The following KLHL32 variants were observed in gnomAD, a reference collection of about 807,000 sequenced individuals.
KLHL32 encodes the protein kelch like family member 32.
A neutral mutation model predicts 64.8 loss-of-function variants in KLHL32; 35 were observed. That is an observed-to-expected ratio of 0.54 (90% CI 0.41 to 0.72). The LOEUF is 0.72. Among genes scored for constraint, KLHL32 ranks in the 30% least tolerant of loss-of-function variants. The pLI, the probability that KLHL32 is intolerant of heterozygous loss-of-function variation, is 0.00. For missense variants in KLHL32, 589 were observed against 768.5 expected, an observed-to-expected ratio of 0.77 and a Z score of 2.76; for synonymous variants, 259 against 281.0, an observed-to-expected ratio of 0.92 and a Z score of 0.78.
intron 4 of KLHL32, among the ~76,000 whole-genome samples, chr6:97,059,785 T>C (rs1788578268): frequency 6.6e-6 from 1 of 152,214 alleles, no homozygotes; most frequent in Non-Finnish European, 1.5e-5. Flanking sequence ...ATGCAAAACA[T>C]TTTATGTGTG....
chr6:97,009,507 G>A (rs1269361983), intron 3 of KLHL32, among the ~76,000 whole-genome samples: 13 of 152,102 alleles, frequency 8.5e-5, no homozygotes, highest in Non-Finnish European at 2.9e-5. Flanking sequence ...TTGTATAAAT[G>A]TACTTTGAAA....
chr6:96,985,053 G>T (rs57970568), intron 3 of KLHL32, among the ~76,000 whole-genome samples: 10,095 of 151,964 alleles, frequency 0.066, 407 homozygotes, highest in Middle Eastern at 0.15. Flanking sequence ...AGGAGCTCTT[G>T]TAGGGCAGGC....
intron 6 of KLHL32, among the ~76,000 whole-genome samples, chr6:97,104,716 G>A (rs1583040048): frequency 1.3e-5 from 2 of 152,262 alleles, no homozygotes; most frequent in East Asian, 3.9e-4. Context: ...GGAAAATGTT[G>A]ACGCAGTTTT....
chr6:97,123,218 G>T (rs1036723188), intron 7 of KLHL32, among the ~76,000 whole-genome samples: 1 of 152,176 alleles, frequency 6.6e-6, no homozygotes, highest in Non-Finnish European at 1.5e-5. Flanking sequence ...AGCACTGCCG[G>T]CATTGACCAG....
chr6:96,932,202 GTTA>G (rs763538168), intron 1 of KLHL32, among the ~76,000 whole-genome samples: 1 of 124,314 alleles, frequency 8.0e-6, no homozygotes. Flanking sequence ...AACTGACTGG[GTTA>G]TTTTTTTTTT....
At chr6:97,007,779 T>C (rs191309415) in intron 3 of KLHL32, among the ~76,000 whole-genome samples, 1 of 152,310 alleles carries the variant, frequency 6.6e-6, no homozygotes, top group East Asian at 1.9e-4. Context: ...TCCTGGACTA[T>C]GTGCTCTAAC....
At chr6:97,063,052 T>C (rs943081514) in intron 4 of KLHL32, among the ~76,000 whole-genome samples, 1 of 152,188 alleles carries the variant, frequency 6.6e-6, no homozygotes, top group African/African-American at 2.4e-5. Context: ...TTCATGGAGA[T>C]GGAAAGTCTT....
chr6:97,120,739 C>G (rs1472117749), intron 7 of KLHL32, among the ~76,000 whole-genome samples: 1 of 152,202 alleles, frequency 6.6e-6, no homozygotes, highest in East Asian at 1.9e-4. Context: ...GAGGAAGCCA[C>G]TTGCCTGGTA....
At chr6:97,010,600 A>G (rs1192656368) in intron 3 of KLHL32, among the ~76,000 whole-genome samples, 2 of 152,158 alleles carry the variant, frequency 1.3e-5, no homozygotes, top group Non-Finnish European at 2.9e-5. Context: ...TGTGTGTATG[A>G]GTGAGGAACC....
chr6:96,944,535 T>C (rs1184118374), intron 1 of KLHL32, among the ~76,000 whole-genome samples: 4 of 152,210 alleles, frequency 2.6e-5, no homozygotes, highest in Non-Finnish European at 5.9e-5. Context: ...TTTTATGAGT[T>C]TGATGATGCT....
chr6:97,124,459 G>A (rs1798681841), intron 7 of KLHL32, among the ~76,000 whole-genome samples: 1 of 152,162 alleles, frequency 6.6e-6, no homozygotes, highest in African/African-American at 2.4e-5. Flanking sequence ...TAATAATTCT[G>A]AAAAGCATAG....
chr6:97,134,753 G>A (rs894651059), intron 10 of KLHL32, among the ~76,000 whole-genome samples: 3 of 152,104 alleles, frequency 2.0e-5, no homozygotes, highest in African/African-American at 4.8e-5. Flanking sequence ...AATGCTGTAC[G>A]TATCAAGTTT....
rs73758118 is a variant in KLHL32, at chr6:97,131,188, T to A, written c.1606+239T>A. On this transcript the variant is annotated intron_variant, in intron 9 of 10. Transcript: ENST00000369261. ...ACCATTATGCACATCCTCATATGGCTGAGAGGCATGTCAAGTCCATTATCA... is the reference window on the plus strand; with the variant it reads ...ACCATTATGCACATCCTCATATGGCAGAGAGGCATGTCAAGTCCATTATCA... 9.0e-3 allele frequency among the ~76,000 whole-genome samples: 1,377 copies of A among 152,272 alleles called. 20 individuals carry two copies. The highest frequency in any genetic ancestry group is 0.032 in the African/African-American group (1,323 of 41,542).
At chr6:97,040,663 T>A (rs1312526766) in intron 3 of KLHL32, among the ~76,000 whole-genome samples, 1 of 152,148 alleles carries the variant, frequency 6.6e-6, no homozygotes, top group African/African-American at 2.4e-5. Flanking sequence ...GTGTGATACA[T>A]GGCTTTGTAT....
intron 6 of KLHL32, among the ~76,000 whole-genome samples, chr6:97,086,381 A>G (rs1793416441): frequency 6.6e-6 from 1 of 152,206 alleles, no homozygotes; most frequent in Admixed American, 6.5e-5. Flanking sequence ...TACTTTAATC[A>G]GTAACTTCCC....
chr6:97,043,118 T>C (rs1238639194), intron 4 of KLHL32, among the ~76,000 whole-genome samples: 1 of 152,216 alleles, frequency 6.6e-6, no homozygotes, highest in East Asian at 1.9e-4. Flanking sequence ...GCTGGAGCTA[T>C]GTTTCTTGTT....
chr6:96,974,933 G>T (rs1424395060), intron 2 of KLHL32, among the ~76,000 whole-genome samples: 9 of 152,206 alleles, frequency 5.9e-5, no homozygotes, highest in Non-Finnish European at 2.9e-5. Flanking sequence ...GGATCTGCTG[G>T]CCAGAATCAG....
chr6:97,058,833 ACT>A (rs147122931), intron 4 of KLHL32, among the ~76,000 whole-genome samples: 10,677 of 152,224 alleles, frequency 0.07, 821 homozygotes, highest in Admixed American at 0.21. Flanking sequence ...GCTGGTTGCC[ACT>A]CTAAGTGGCC....
intron 6 of KLHL32, among the ~76,000 whole-genome samples, chr6:97,108,651 C>T (rs1188005324): frequency 6.6e-6 from 1 of 152,118 alleles, no homozygotes; most frequent in Non-Finnish European, 1.5e-5. Flanking sequence ...CCTTTAGATT[C>T]TTATGAACGT....
Sources: allele counts gnomAD v4.1 joint callset (sites outside exome capture counted in the v4.1 genomes callset), GRCh38; gene constraint gnomAD v4.1.1; transcripts MANE v1.5; gene names NCBI Gene and HGNC (gene_info 2026-07-23, HGNC 2026-07-21).